BLACAT1: variants seen among roughly 807,000 people sequenced by gnomAD.
The protein encoded by BLACAT1 is bladder cancer associated transcript 1.
In BLACAT1 at chr1:205,450,542, G is replaced by C. The variant is rs766662097; in HGVS notation, c.-37+5375C>G. Reference sequence around the variant, plus strand: ...CCCCTGCCCTGGGAGGACAAGGTCAGCACTTATCTGTCCTTCCATTTCCTT... The same window carrying C: ...CCCCTGCCCTGGGAGGACAAGGTCACCACTTATCTGTCCTTCCATTTCCTT... On this transcript the variant is annotated intron_variant, in intron 1 of 1. Transcript: ENST00000629624. This position sits in a 1 kb window ranked among gnomAD's most constrained non-coding sequence, Gnocchi z 4.4. Among the ~76,000 whole-genome samples the C allele has an allele frequency of 6.6e-6, 1 of 151,630 alleles. No homozygotes were observed. The highest frequency in any genetic ancestry group is 2.4e-5 in the African/African-American group (1 of 41,206).
intron 1 of BLACAT1, among the ~76,000 whole-genome samples, chr1:205,443,589 C>T (rs548248218): frequency 4.6e-5 from 7 of 152,122 alleles, no homozygotes; most frequent in Admixed American, 2.0e-4. Flanking sequence ...CAGTGGGATT[C>T]CTGGGTCCTT....
intron 1 of BLACAT1, among the ~76,000 whole-genome samples, chr1:205,451,652 C>G (rs1666499145): frequency 6.6e-6 from 1 of 151,796 alleles, no homozygotes; most frequent in East Asian, 1.9e-4. Context: ...AATGGAGACA[C>G]TGAGAGAAAT....
rs79130115 is a variant in BLACAT1 at position 205,443,750 on chromosome 1, C to T, written c.-36-2688G>A. On this transcript the variant is annotated intron_variant, in intron 1 of 1. Transcript: ENST00000629624. ...GCACAACTCCATGCCCCGGAGGCTGCCTGGGCTCTGTCTGCAGCATGCAGA... is the reference window on the plus strand; with the variant it reads ...GCACAACTCCATGCCCCGGAGGCTGTCTGGGCTCTGTCTGCAGCATGCAGA... Among the ~76,000 whole-genome samples, 598 of 152,340 alleles carry T rather than the reference C, an allele frequency of 3.9e-3. 1 individual carries two copies. The highest frequency in any genetic ancestry group is 0.01 in the Middle Eastern group (3 of 294).
At chr1:205,443,112 G>C (rs1001766208) in intron 1 of BLACAT1, among the ~76,000 whole-genome samples, 2 of 152,138 alleles carry the variant, frequency 1.3e-5, no homozygotes, top group Non-Finnish European at 2.9e-5. Context: ...TCTTGCTGGG[G>C]ATATAAGTCA....
At chr1:205,444,030 A>G (rs1666340762) in intron 1 of BLACAT1, among the ~76,000 whole-genome samples, 2 of 152,042 alleles carry the variant, frequency 1.3e-5, no homozygotes, top group South Asian at 4.1e-4. Flanking sequence ...CCCTGAAGTC[A>G]GGTCCCCTTG....
chr1:205,442,053 C>T (rs2102466249), intron 1 of BLACAT1, among the ~76,000 whole-genome samples: 1 of 152,306 alleles, frequency 6.6e-6, no homozygotes, highest in East Asian at 1.9e-4. Flanking sequence ...CACCTCTCTG[C>T]CCTTCCTCTG....
intron 1 of BLACAT1, among the ~76,000 whole-genome samples, chr1:205,454,549 TGAGA>T (rs574485023): frequency 2.7e-5 from 4 of 147,302 alleles, no homozygotes; most frequent in Admixed American, 2.0e-4. Flanking sequence ...TGTGTGTGTG[TGAGA>T]GAGAGAGAGA....
chr1:205,452,727 C>T (rs1467475512), intron 1 of BLACAT1, among the ~76,000 whole-genome samples: 1 of 152,188 alleles, frequency 6.6e-6, no homozygotes, highest in African/African-American at 2.4e-5. Flanking sequence ...TAGAGCTCAG[C>T]AGACCTGCCT....
At chr1:205,455,016 C>T (rs553361378) in intron 1 of BLACAT1, among the ~76,000 whole-genome samples, 17 of 152,290 alleles carry the variant, frequency 1.1e-4, no homozygotes, top group East Asian at 5.8e-4. Context: ...GGCCCCCAGA[C>T]GCCCTCTCCT....
At chr1:205,454,318 AC>A (rs1435556774) in intron 1 of BLACAT1, among the ~76,000 whole-genome samples, 1 of 151,938 alleles carries the variant, frequency 6.6e-6, no homozygotes, top group Non-Finnish European at 1.5e-5. Flanking sequence ...CCAGGGTTAC[AC>A]TGAATTTGAT....
chr1:205,455,577 G>C (rs989859170), intron 1 of BLACAT1, among the ~76,000 whole-genome samples: 2 of 152,170 alleles, frequency 1.3e-5, no homozygotes, highest in African/African-American at 4.8e-5. Flanking sequence ...CACTCAGCGG[G>C]GACAGGAGGA....
rs1217653139 is a variant in BLACAT1 at position 205,452,537 on chromosome 1, C to G, written c.-37+3380G>C. On this transcript the variant is annotated intron_variant, in intron 1 of 1. Coordinates refer to ENST00000629624, the Ensembl canonical transcript of BLACAT1. The stretch of plus-strand genomic sequence containing the variant: ...CACAGCCACTTCTCAGACCCACTGC[C>G]TGGCACACAGTAGCTGCTCAATAAA... Among the ~76,000 whole-genome samples, 6 of 152,198 alleles carry G rather than the reference C, an allele frequency of 3.9e-5. No homozygotes were observed. The East Asian group carries it at 1.2e-3, about 29-fold the overall frequency.
chr1:205,442,264 C>T (rs900264997), intron 1 of BLACAT1, among the ~76,000 whole-genome samples: 2 of 152,128 alleles, frequency 1.3e-5, no homozygotes, highest in African/African-American at 4.8e-5. Flanking sequence ...CAGGGCTATG[C>T]GGAAGGGGTT....
At chr1:205,454,597 AG>A (rs1167258542) in intron 1 of BLACAT1, among the ~76,000 whole-genome samples, 1 of 151,984 alleles carries the variant, frequency 6.6e-6, no homozygotes, top group African/African-American at 2.4e-5. Context: ...TGGCAGCCCC[AG>A]TGGAGCAATG....
intron 1 of BLACAT1, among the ~76,000 whole-genome samples, chr1:205,444,045 G>T (rs1017440488): frequency 1.3e-5 from 2 of 152,050 alleles, no homozygotes; most frequent in African/African-American, 4.8e-5. Context: ...CCCTTGCTGC[G>T]TCTATTTGAG....
At chr1:205,447,120 T>C (rs902380130) in intron 1 of BLACAT1, among the ~76,000 whole-genome samples, 6 of 152,222 alleles carry the variant, frequency 3.9e-5, no homozygotes, top group Admixed American at 6.5e-5. Context: ...TCTCCCAATA[T>C]GCAGCATGAT....
chr1:205,440,495 G>C (rs772092319), exon 2 of BLACAT1: 5 of 152,278 alleles, frequency 3.3e-5, no homozygotes, highest in Non-Finnish European at 7.3e-5. Flanking sequence ...GCTGCTGGAA[G>C]TTCTCTGCTA....
intron 1 of BLACAT1, among the ~76,000 whole-genome samples, chr1:205,452,328 G>A (rs1052676913): frequency 5.9e-5 from 9 of 152,202 alleles, no homozygotes; most frequent in Admixed American, 2.6e-4. Flanking sequence ...CTCTGGTTGA[G>A]GCTAAGCCAG....
chr1:205,455,179 C>T (rs1458697344), intron 1 of BLACAT1, among the ~76,000 whole-genome samples: 3 of 152,122 alleles, frequency 2.0e-5, no homozygotes, highest in Non-Finnish European at 4.4e-5. Context: ...GGGCTCCTAG[C>T]TCCGGCCTTT....
Sources: allele counts gnomAD v4.1 joint callset (sites outside exome capture counted in the v4.1 genomes callset), GRCh38; gene constraint gnomAD v4.1.1; non-coding constraint Gnocchi (gnomAD v3.1); transcripts MANE v1.5; gene names NCBI Gene and HGNC (gene_info 2026-07-23, HGNC 2026-07-21).